Variants in DGKB observed in about 807,000 individuals in gnomAD.
DGKB encodes the protein 90 kDa diacylglycerol kinase.
In DGKB, 67 loss-of-function variants were observed where a neutral mutation model predicts 114.3. The ratio of observed to expected loss-of-function variants is 0.59; its 90% CI spans 0.48 to 0.72. The LOEUF is 0.72. Ranked by LOEUF, DGKB falls within the 30% of genes least tolerant of loss-of-function variation. The probability of loss-of-function intolerance (pLI) is 0.00; values close to 1 mark genes in which losing one functional copy is unlikely to be tolerated. For synonymous variants in DGKB, 398 were observed against 323.1 expected (o/e 1.23, Z -2.49); for missense variants, 907 against 975.2 (o/e 0.93, Z 0.93).
chr7:14,941,829 A>G (rs1320725671), intron 1 of DGKB, among the ~76,000 whole-genome samples: 1 of 152,070 alleles, frequency 6.6e-6, no homozygotes, highest in Non-Finnish European at 1.5e-5. Context: ...AATAAAACGG[A>G]TGATTAGAAG....
chr7:14,812,194 A>G (rs371372457), intron 2 of DGKB, among the ~76,000 whole-genome samples: 125 of 152,264 alleles, frequency 8.2e-4, no homozygotes, highest in African/African-American at 2.9e-3. Flanking sequence ...GCTTCTATGG[A>G]CACGTGGGTT....
chr7:14,459,780 C>G (rs1445443107), intron 21 of DGKB, among the ~76,000 whole-genome samples: 1 of 152,006 alleles, frequency 6.6e-6, no homozygotes, highest in Non-Finnish European at 1.5e-5. Context: ...AGAGCAACCC[C>G]AAGACACATA....
At chr7:14,640,282 G>T (rs1468956245) in intron 13 of DGKB, among the ~76,000 whole-genome samples, 2 of 152,146 alleles carry the variant, frequency 1.3e-5, no homozygotes, top group Non-Finnish European at 2.9e-5. Context: ...GGAATTCCAG[G>T]AGAATTAAGG....
At chr7:14,729,279 CA>C (rs1830535887) in intron 5 of DGKB, among the ~76,000 whole-genome samples, 8 of 137,954 alleles carry the variant, frequency 5.8e-5, no homozygotes, top group African/African-American at 1.8e-4. Context: ...CCTGCCACCA[CA>C]TCCGGCTAAT....
At chr7:14,587,438 C>T (rs137941023) in intron 17 of DGKB, among the ~76,000 whole-genome samples, 5 of 152,188 alleles carry the variant, frequency 3.3e-5, no homozygotes, top group East Asian at 3.9e-4. Flanking sequence ...AGTAAAGATG[C>T]TGTGAACACT....
intron 2 of DGKB, among the ~76,000 whole-genome samples, chr7:14,812,662 T>C (rs1022599420): frequency 2.0e-5 from 3 of 152,186 alleles, no homozygotes; most frequent in African/African-American, 7.2e-5. Flanking sequence ...GTGTCACATT[T>C]TCTGTCAGAA....
upstream of DGKB, among the ~76,000 whole-genome samples, chr7:14,904,880 T>C (rs1783605859): frequency 1.3e-5 from 2 of 152,190 alleles, no homozygotes; most frequent in African/African-American, 4.8e-5. Flanking sequence ...AAGAAGTCTC[T>C]AGCACATAGA....
intron 13 of DGKB, among the ~76,000 whole-genome samples, chr7:14,672,429 G>T (rs895447698): frequency 1.3e-5 from 2 of 151,828 alleles, no homozygotes; most frequent in Non-Finnish European, 2.9e-5. Context: ...TATTTTGCAG[G>T]TAGTTAAATT....
chr7:14,870,664 G>A lies in DGKB; in HGVS notation c.-187-29214C>T, dbSNP rs888129748. On this transcript the variant is annotated intron_variant, in intron 1 of 25. Transcript: ENST00000402815. ...TACAAAAACACCCGGGCATGGTGGCGTGTACCTGTAATCTGAGCTACTCAG... is the reference window on the plus strand; with the variant it reads ...TACAAAAACACCCGGGCATGGTGGCATGTACCTGTAATCTGAGCTACTCAG... Among the ~76,000 whole-genome samples, 8 of 152,092 alleles carry A rather than the reference G, an allele frequency of 5.3e-5. No homozygotes were observed. In the East Asian group the frequency reaches 5.8e-4, roughly 11 times the overall value.
intron 23 of DGKB, among the ~76,000 whole-genome samples, chr7:14,274,640 CTGGG>C (rs1257279995): frequency 1.3e-5 from 2 of 152,078 alleles, no homozygotes; most frequent in Non-Finnish European, 2.9e-5. Flanking sequence ...GTTTAGAAGG[CTGGG>C]AAGTCCAAGA....
At chr7:14,509,823 C>A (rs1787711117) in intron 20 of DGKB, among the ~76,000 whole-genome samples, 1 of 152,144 alleles carries the variant, frequency 6.6e-6, no homozygotes, top group South Asian at 2.1e-4. Context: ...CTGGTTTCCC[C>A]AACAAATCCA....
At chr7:14,554,675 C>T (rs1019773539) in intron 20 of DGKB, among the ~76,000 whole-genome samples, 7 of 152,076 alleles carry the variant, frequency 4.6e-5, no homozygotes, top group Non-Finnish European at 8.8e-5. Flanking sequence ...AGTATGACAG[C>T]ATCATACTTA....
At chr7:14,553,564 C>T (rs1428555219) in intron 20 of DGKB, among the ~76,000 whole-genome samples, 4 of 152,114 alleles carry the variant, frequency 2.6e-5, no homozygotes, top group Non-Finnish European at 4.4e-5. Context: ...AAACCACATC[C>T]AATCGCAAAT....
intron 1 of DGKB, among the ~76,000 whole-genome samples, chr7:14,870,364 G>C (rs1852273524): frequency 6.6e-6 from 1 of 152,126 alleles, no homozygotes; most frequent in Admixed American, 6.5e-5. Flanking sequence ...AGTTAATTCT[G>C]TAGAAAATAC....
chr7:14,866,178 C>T (rs1851682099), intron 1 of DGKB, among the ~76,000 whole-genome samples: 1 of 152,080 alleles, frequency 6.6e-6, no homozygotes, highest in Non-Finnish European at 1.5e-5. Context: ...TATCCCTGCC[C>T]ATATACATCC....
chr7:14,876,567 G>C (rs1169241133), intron 1 of DGKB, among the ~76,000 whole-genome samples: 1 of 152,090 alleles, frequency 6.6e-6, no homozygotes, highest in Non-Finnish European at 1.5e-5. Flanking sequence ...AAACTTCTTA[G>C]GTTTCTTAGA....
At chr7:14,634,390 C>T (rs1810330897) in intron 13 of DGKB, among the ~76,000 whole-genome samples, 2 of 150,672 alleles carry the variant, frequency 1.3e-5, no homozygotes, top group South Asian at 4.2e-4. Flanking sequence ...TTAGCCTTGC[C>T]TTCATTTTTT....
chr7:14,640,558 C>G (rs1811577864), intron 13 of DGKB, among the ~76,000 whole-genome samples: 1 of 152,086 alleles, frequency 6.6e-6, no homozygotes. Flanking sequence ...ATCAACTGGA[C>G]TGGACAGCAA....
intron 7 of DGKB, among the ~76,000 whole-genome samples, chr7:14,699,431 T>A (rs1824706918): frequency 1.3e-5 from 2 of 152,158 alleles, no homozygotes; most frequent in South Asian, 4.1e-4. Flanking sequence ...CCACCCCACC[T>A]AAGACTCAGT....
Sources: gnomAD v4.1 joint callset for allele counts (sites outside exome capture counted in the v4.1 genomes callset) on GRCh38, gnomAD v4.1.1 for gene constraint, MANE v1.5 for transcripts, NCBI Gene and HGNC (gene_info 2026-07-23, HGNC 2026-07-21) for gene names.